ERCC6L2: variants seen among roughly 807,000 people sequenced by gnomAD.
The protein encoded by ERCC6L2 is DNA excision repair protein ERCC-6-like 2.
ERCC6L2 carries 77 observed loss-of-function variants against 132.0 expected under a neutral mutation model. The observed-to-expected ratio is 0.58, with a 90% CI of 0.49 to 0.71. The LOEUF (loss-of-function observed/expected upper bound fraction) is 0.71, where lower values mean the gene tolerates loss of function less well. ERCC6L2 is among the 30% of genes least tolerant of loss of function. The pLI is 0.00. For missense variants in ERCC6L2, 1,542 were observed against 1,837.6 expected (o/e 0.84, Z 2.94); for synonymous variants, 583 against 632.4 (o/e 0.92, Z 1.17).
rs909014399 is a variant in ERCC6L2 at position 96,009,299 on chromosome 9, G to A, written c.3675-2926G>A. Among the ~76,000 whole-genome samples, 5 of 152,216 alleles carry A rather than the reference G, an allele frequency of 3.3e-5. No individual in the cohort carries two copies. In the South Asian group the frequency reaches 1.0e-3, roughly 32 times the overall value. On this transcript the variant is annotated intron_variant, in intron 18 of 18. Transcript: ENST00000653738. The stretch of plus-strand genomic sequence containing the variant: ...CCTTATTGGCTTTGGTTACCAATTA[G>A]GGATGTAGAAGTAAAACTGTCCAAC...
rs1178816372 is a variant in ERCC6L2, at chr9:95,972,289, A to G, written c.2538A>G (p.Ser846=). 11 of 1,297,030 alleles carry G rather than the reference A, an allele frequency of 8.5e-6. No homozygotes were observed. In the South Asian group the frequency reaches 1.0e-4, roughly 12 times the overall value. 80.3% of individuals were successfully genotyped at this position (1,297,030 alleles called of 1,614,324 possible). A position where few individuals can be genotyped will look rare whatever the true frequency, so the allele number is the denominator to read the frequency against. ...CEKNQDSLGT[S]KHQKLDNILN... is the part of the protein sequence containing the mutation. ...AAAATCAGGACTCTCTTGGTACTTC[A>G]AAACATCAGAAATTAGATAACATCC... Residue 846 remains serine, a synonymous_variant, in exon 16 of 19, where the codon TCA becomes TCG. Coordinates refer to ENST00000653738, the MANE Select transcript of ERCC6L2 (RefSeq NM_020207.7).
chr9:95,908,239 G>A (rs1394932723), intron 4 of ERCC6L2, among the ~76,000 whole-genome samples: 13 of 152,102 alleles, frequency 8.5e-5, no homozygotes, highest in African/African-American at 2.2e-4. Context: ...TTTAGAGACA[G>A]GTCTCTTTGA....
intron 12 of ERCC6L2, among the ~76,000 whole-genome samples, chr9:95,946,547 A>G (rs1831074102): frequency 6.6e-6 from 1 of 152,148 alleles, no homozygotes; most frequent in African/African-American, 2.4e-5. Context: ...AAATTAAATA[A>G]TAATAATAAA....
At chr9:95,963,203 CAGA>C (rs762816709) in intron 13 of ERCC6L2, among the ~76,000 whole-genome samples, 27 of 151,070 alleles carry the variant, frequency 1.8e-4, no homozygotes, top group Non-Finnish European at 2.4e-4. Context: ...TAAGTGTTTG[CAGA>C]AGAATTGCAA....
chr9:95,963,981 A>G (rs1051431675), intron 13 of ERCC6L2, among the ~76,000 whole-genome samples: 5 of 152,120 alleles, frequency 3.3e-5, no homozygotes, highest in Admixed American at 3.3e-4. Flanking sequence ...CTGCAAAGTT[A>G]CTATTTTTTT....
Position 95,893,580 on chromosome 9 carries a change from C to G in ERCC6L2, c.472-4269C>G, listed in dbSNP as rs372865471. On this transcript the variant is annotated intron_variant, in intron 2 of 18. Transcript: ENST00000653738. ...AATTTGTTGGTGAAACTATCTGGCCCTTAACTTTCTTTGTGGAAGGTTTAT... is the reference window on the plus strand; with the variant it reads ...AATTTGTTGGTGAAACTATCTGGCCGTTAACTTTCTTTGTGGAAGGTTTAT... 4.7e-4 allele frequency among the ~76,000 whole-genome samples: 72 copies of G among 152,246 alleles called. No homozygotes were observed. In the South Asian group the frequency reaches 0.015, roughly 32 times the overall value.
intron 17 of ERCC6L2, among the ~76,000 whole-genome samples, chr9:95,995,050 A>G (rs1406824781): frequency 2.0e-5 from 3 of 152,226 alleles, no homozygotes; most frequent in Admixed American, 6.5e-5. Context: ...GATAGATTCC[A>G]TATGTAGCTG....
At position 95,923,337 on chromosome 9, in the gene ERCC6L2, CT is replaced by C; in HGVS notation, c.1494del (p.Phe498LeufsTer13). 1.2e-6 allele frequency: 2 copies of C among 1,613,826 alleles called. No individual in the cohort carries two copies. Among genetic ancestry groups the C allele is most frequent in the Non-Finnish European group, 1.7e-6 (2 of 1,179,864 alleles). ...TTGTGCAGAAAAGCAAAGATGCAGC[CT>C]TTGAAACACTTTCTGACCCTAAATA... is the stretch of plus-strand genomic sequence containing the variant. ...DFVQKSKDAA[F>X]ETLSDPKYSG... On this transcript the variant is annotated frameshift_variant, in exon 9 of 19. Coordinates refer to ENST00000653738, the MANE Select transcript of ERCC6L2 (RefSeq NM_020207.7). LOFTEE classifies it high-confidence loss of function.
At chr9:96,018,570 C>T (rs1384871474), downstream of ERCC6L2, among the ~76,000 whole-genome samples, 1 of 151,912 alleles carries the variant, frequency 6.6e-6, no homozygotes, top group African/African-American at 2.4e-5. Flanking sequence ...AAGGGATCTT[C>T]CCACCTCAGC....
intron 17 of ERCC6L2, among the ~76,000 whole-genome samples, chr9:95,979,291 G>A (rs1832796436): frequency 6.6e-6 from 1 of 152,200 alleles, no homozygotes; most frequent in Non-Finnish European, 1.5e-5. Context: ...GGAAGCCAGG[G>A]ATTCCAAATG....
intron 1 of ERCC6L2, among the ~76,000 whole-genome samples, chr9:95,879,403 T>A (rs1464488926): frequency 6.6e-6 from 1 of 152,196 alleles, no homozygotes; most frequent in Non-Finnish European, 1.5e-5. Flanking sequence ...AAATAAGTCT[T>A]AAGAAATGAT....
At chr9:96,031,732 C>T (rs1312400048) in intron 19 of ERCC6L2, among the ~76,000 whole-genome samples, 1 of 152,196 alleles carries the variant, frequency 6.6e-6, no homozygotes, top group Non-Finnish European at 1.5e-5. Context: ...GAGCCCTCGT[C>T]ACTTCCCACC....
chr9:96,026,792 C>CCACACACA (rs1554764965), intron 19 of ERCC6L2, among the ~76,000 whole-genome samples: 2 of 134,024 alleles, frequency 1.5e-5, no homozygotes, highest in African/African-American at 5.7e-5. Context: ...CCACACACAC[C>CCACACACA]CCACACACAT....
intron 2 of ERCC6L2, among the ~76,000 whole-genome samples, chr9:95,891,548 A>T (rs1828165167): frequency 6.7e-6 from 1 of 149,492 alleles, no homozygotes; most frequent in South Asian, 2.1e-4. Flanking sequence ...TCTTGTGTGT[A>T]TTCCTAGAAT....
chr9:95,875,793 A>G lies in ERCC6L2; in HGVS notation c.-246A>G. 1 of 567,628 alleles carries G rather than the reference A, an allele frequency of 1.8e-6. No homozygotes were observed. The highest frequency in any genetic ancestry group is 1.9e-5 in the African/African-American group (1 of 53,238). 35.2% of individuals were successfully genotyped at this position (567,628 alleles called of 1,614,324 possible). ...GTGAACACCGCTTTGCCAGCCTCAC[A>G]CAGCGTCCCCTGGCTCTGCCGCCGC... is the stretch of plus-strand genomic sequence containing the variant. On this transcript the variant is annotated 5_prime_UTR_variant, in exon 1 of 19. Coordinates refer to ENST00000653738, the MANE Select transcript of ERCC6L2 (RefSeq NM_020207.7).
chr9:95,961,173 T>C (rs989393235), intron 13 of ERCC6L2, among the ~76,000 whole-genome samples: 3 of 152,114 alleles, frequency 2.0e-5, no homozygotes, highest in African/African-American at 7.2e-5. Context: ...GTGAATGTGA[T>C]CTTATTTGTA....
At chr9:96,011,099 T>C (rs533728258) in intron 18 of ERCC6L2, among the ~76,000 whole-genome samples, 2 of 152,298 alleles carry the variant, frequency 1.3e-5, no homozygotes, top group African/African-American at 4.8e-5. Flanking sequence ...TCTGCTTGGA[T>C]TGCCATAACA....
In ERCC6L2 at chr9:95,972,887, G is replaced by A. The variant is rs1564276968; in HGVS notation, c.3136G>A (p.Glu1046Lys). The stretch of plus-strand genomic sequence containing the variant: ...TATTGATGATTATTCATCCTCAGAT[G>A]AGAGTTTATCCGTCAGCCACTTCAG... ...QFIDDYSSSD[E>K]SLSVSHFSFS... Residue 1046 changes from glutamate (E) to lysine (K), a missense_variant, in exon 16 of 19, where the codon GAG (glutamate) becomes AAG (lysine). Around this residue, in one of 4 missense-constraint regions of ERCC6L2, gnomAD observed 945 missense variants for 1,105.2 expected, o/e 0.86. Transcript: ENST00000653738. The A allele has an allele frequency of 3.1e-6, 4 of 1,305,376 alleles. No individual in the cohort carries two copies. Among genetic ancestry groups the A allele is most frequent in the Non-Finnish European group, 4.0e-6 (4 of 988,940 alleles). The allele number at this position is 1,305,376 out of a possible 1,614,324, so 80.9% of individuals were successfully genotyped here. A position where few individuals can be genotyped will look rare whatever the true frequency, so the allele number is the denominator to read the frequency against.
chr9:95,904,246 C>T (rs1475495187), intron 3 of ERCC6L2, among the ~76,000 whole-genome samples: 1 of 152,060 alleles, frequency 6.6e-6, no homozygotes, highest in East Asian at 1.9e-4. Flanking sequence ...TTTGATATCA[C>T]ACTTCTTTCC....
Sources: gnomAD v4.1 joint callset for allele counts (sites outside exome capture counted in the v4.1 genomes callset) on GRCh38, gnomAD v4.1.1 for gene constraint, gnomAD v4.1.1 regional missense constraint, MANE v1.5 for transcripts, NCBI Gene and HGNC (gene_info 2026-07-23, HGNC 2026-07-21) for gene names.